The following RYR2 variants were observed in gnomAD, a reference collection of about 807,000 sequenced individuals.
The protein encoded by RYR2 is ryanodine receptor 2.
Under a neutral mutation model 601.1 loss-of-function variants are expected in RYR2, and 227 were observed. The ratio of observed to expected loss-of-function variants is 0.38; its 90% CI spans 0.34 to 0.42. The LOEUF is 0.42. Among genes scored for constraint, RYR2 ranks in the 10% least tolerant of loss-of-function variants. RYR2 has a pLI of 1.00. For missense variants in RYR2, 4,646 were observed against 6,156.5 expected (o/e 0.75, Z 8.21); for synonymous variants, 2,223 against 2,175.1 (o/e 1.02, Z -0.61).
intron 3 of RYR2, among the ~76,000 whole-genome samples, chr1:237,343,136 T>A (rs573887092): frequency 7.9e-5 from 12 of 152,176 alleles, no homozygotes; most frequent in East Asian, 1.9e-4. Flanking sequence ...GGTGGTGGGA[T>A]TGCTTGAGCT....
intron 54 of RYR2, 37 bp from the exon 55 acceptor site, chr1:237,659,948 C>G: frequency 7.3e-7 from 1 of 1,365,542 alleles, no homozygotes; most frequent in Non-Finnish European, 1.0e-6. Flanking sequence ...AAAATTAACA[C>G]GTGTAAAACA....
At chr1:237,155,488 A>C (rs1334081107) in intron 1 of RYR2, among the ~76,000 whole-genome samples, 2 of 152,096 alleles carry the variant, frequency 1.3e-5, no homozygotes, top group African/African-American at 4.8e-5. Flanking sequence ...TAAGAAAGAA[A>C]GGGGAAATTA....
chr1:237,138,376 T>C (rs1416655504), intron 1 of RYR2, among the ~76,000 whole-genome samples: 2 of 152,116 alleles, frequency 1.3e-5, no homozygotes, highest in African/African-American at 4.8e-5. Flanking sequence ...TTATTACTGA[T>C]TTTGTTGTTG....
Position 237,792,313 on chromosome 1 carries a change from A to G in RYR2, c.13772A>G (p.Tyr4591Cys). Residue 4591 changes from tyrosine (Y) to cysteine (C), a missense_variant, in exon 94 of 105, where the codon TAC becomes TGC. Physicochemically the swap from Tyr to Cys is radical, Grantham distance 194 (BLOSUM62 -2). Around this residue, in one of 17 missense-constraint regions of RYR2, gnomAD observed 37 missense variants for 102.8 expected, o/e 0.36. Transcript: ENST00000366574. ...TCTTTCTTCTGCATCATTGGATACT[A>G]CTGCTTGAAAGTAAGATAGTAAGGC... The part of the protein sequence containing the change: ...VISFFCIIGY[Y>C]CLKVPLVIFK... 4 of 1,606,218 alleles carry G rather than the reference A, an allele frequency of 2.5e-6. No homozygotes were observed. Among genetic ancestry groups the G allele is most frequent in the South Asian group, 2.2e-5 (2 of 90,864 alleles).
In RYR2 at chr1:237,187,443, C is replaced by CTTTTTTTTTT. The variant is rs10686110; in HGVS notation, c.49-83044_49-83035dup. The stretch of plus-strand genomic sequence containing the variant: ...GGCGTGAGCCAACACGCCCGGCCGA[C>CTTTTTTTTTT]TTTTTTTTTTTTTTTTTTTGAGACA... On this transcript the variant is annotated intron_variant, in intron 1 of 104. Coordinates refer to ENST00000366574, the MANE Select transcript of RYR2 (RefSeq NM_001035.3). 4.3e-4 allele frequency among the ~76,000 whole-genome samples: 37 copies of CTTTTTTTTTT among 86,784 alleles called. 6 individuals are homozygous for CTTTTTTTTTT. Among genetic ancestry groups the CTTTTTTTTTT allele is most frequent in the South Asian group, 1.7e-3 (4 of 2,408 alleles). 56.9% of individuals were successfully genotyped at this position (86,784 alleles called of 152,430 possible). A position where few individuals can be genotyped will look rare whatever the true frequency, so the allele number is the denominator to read the frequency against.
chr1:237,111,108 G>T (rs555757803), intron 1 of RYR2, among the ~76,000 whole-genome samples: 1 of 152,314 alleles, frequency 6.6e-6, no homozygotes, highest in East Asian at 1.9e-4. Flanking sequence ...CCAAGTAAAT[G>T]AATATCTGTT....
At chr1:237,543,303 A>G (rs995267833) in intron 25 of RYR2, among the ~76,000 whole-genome samples, 10 of 152,274 alleles carry the variant, frequency 6.6e-5, no homozygotes, top group Non-Finnish European at 1.2e-4. Flanking sequence ...GCACATCTTC[A>G]TATTACATGT....
chr1:237,636,790 A>C (rs1479813342), intron 44 of RYR2, among the ~76,000 whole-genome samples: 2 of 152,254 alleles, frequency 1.3e-5, no homozygotes, highest in East Asian at 3.8e-4. Context: ...AATACCGACC[A>C]TCAATGTATT....
intron 1 of RYR2, among the ~76,000 whole-genome samples, chr1:237,215,581 G>A (rs187075892): frequency 6.6e-6 from 1 of 152,168 alleles, no homozygotes; most frequent in East Asian, 1.9e-4. Flanking sequence ...CAAAATACTT[G>A]TGTTGTTTTC....
intron 1 of RYR2, among the ~76,000 whole-genome samples, chr1:237,124,611 T>C (rs1369506348): frequency 1.3e-5 from 2 of 152,210 alleles, no homozygotes; most frequent in Non-Finnish European, 2.9e-5. Flanking sequence ...ATGGAGGTCA[T>C]GCCATTCCAT....
At chr1:237,548,136 C>G (rs1212712628) in intron 25 of RYR2, among the ~76,000 whole-genome samples, 6 of 152,186 alleles carry the variant, frequency 3.9e-5, no homozygotes, top group African/African-American at 1.2e-4. Context: ...ACAAAAGCCT[C>G]AGCTATTAGG....
intron 1 of RYR2, among the ~76,000 whole-genome samples, chr1:237,059,036 G>T (rs191938342): frequency 6.6e-6 from 1 of 152,186 alleles, no homozygotes; most frequent in East Asian, 1.9e-4. Context: ...CCAAAACATT[G>T]CTCTGGACAG....
At chr1:237,064,522 G>T (rs16834782) in intron 1 of RYR2, among the ~76,000 whole-genome samples, 27,829 of 151,928 alleles carry the variant, frequency 0.18, 2,602 homozygotes, top group African/African-American at 0.2. Context: ...ATTTTTAAAT[G>T]TATTGGACAT....
chr1:237,568,822 A>G (rs1255758837), intron 28 of RYR2, among the ~76,000 whole-genome samples: 1 of 152,216 alleles, frequency 6.6e-6, no homozygotes, highest in African/African-American at 2.4e-5. Flanking sequence ...AAAATGATAT[A>G]TTCTAAAGGC....
At chr1:237,745,631 T>C (rs1692008041) in intron 80 of RYR2, among the ~76,000 whole-genome samples, 1 of 152,200 alleles carries the variant, frequency 6.6e-6, no homozygotes. Flanking sequence ...CGACAAGTGA[T>C]GGCATCTTAA....
At chr1:237,542,487 G>A (rs1053248586) in intron 25 of RYR2, among the ~76,000 whole-genome samples, 3 of 152,150 alleles carry the variant, frequency 2.0e-5, no homozygotes, top group Admixed American at 2.0e-4. Context: ...CACCTGATAG[G>A]GAGGTCTTGT....
chr1:237,230,433 C>A (rs963657232), intron 1 of RYR2, among the ~76,000 whole-genome samples: 3 of 151,936 alleles, frequency 2.0e-5, no homozygotes, highest in Non-Finnish European at 2.9e-5. Flanking sequence ...TCAGATCTCT[C>A]AAAATTATAC....
intron 11 of RYR2, among the ~76,000 whole-genome samples, chr1:237,420,797 A>T (rs1192120476): frequency 6.6e-6 from 1 of 152,224 alleles, no homozygotes; most frequent in Non-Finnish European, 1.5e-5. Flanking sequence ...TTGAAAATGA[A>T]GGTGTGTTCC....
intron 2 of RYR2, among the ~76,000 whole-genome samples, chr1:237,296,626 A>G (rs528090300): frequency 2.6e-4 from 40 of 152,302 alleles, no homozygotes; most frequent in African/African-American, 8.7e-4. Context: ...AAGCAGCTTG[A>G]TGTTAGCTTG....
Sources: gnomAD v4.1 joint callset for allele counts (sites outside exome capture counted in the v4.1 genomes callset) on GRCh38, gnomAD v4.1.1 for gene constraint, gnomAD v4.1.1 regional missense constraint, MANE v1.5 for transcripts, NCBI Gene and HGNC (gene_info 2026-07-23, HGNC 2026-07-21) for gene names.